HNRNPM: variants seen among roughly 807,000 people sequenced by gnomAD.
HNRNPM encodes the protein heterogeneous nuclear ribonucleoprotein M.
A neutral mutation model predicts 73.1 loss-of-function variants in HNRNPM; 11 were observed. The ratio of observed to expected loss-of-function variants is 0.15; its 90% CI spans 0.09 to 0.25. The LOEUF (loss-of-function observed/expected upper bound fraction) is 0.25. HNRNPM is among the 10% of genes least tolerant of loss of function. The probability of loss-of-function intolerance (pLI) is 1.00; values close to 1 mark genes in which losing one functional copy is unlikely to be tolerated. For synonymous variants in HNRNPM, 407 were observed against 355.2 expected (o/e 1.15, Z -1.64); for missense variants, 789 against 1,067.9 (o/e 0.74, Z 3.64).
chr19:8,448,142 A>T (rs571493831), intron 1 of HNRNPM, among the ~76,000 whole-genome samples: 21 of 152,348 alleles, frequency 1.4e-4, no homozygotes, highest in African/African-American at 4.1e-4. Flanking sequence ...TTTGAGAGAC[A>T]GGAGAAAAAT....
chr19:8,470,230 A>G lies in HNRNPM; in HGVS notation c.896-1096A>G, dbSNP rs78619026. ...GATCTCTTGCTGCTGTTGCTATGCAATTAAAGATGGAATGTTCATCAGATG... is the reference window on the plus strand; with the variant it reads ...GATCTCTTGCTGCTGTTGCTATGCAGTTAAAGATGGAATGTTCATCAGATG... On this transcript the variant is annotated intron_variant, in intron 9 of 15. Transcript: ENST00000325495. 4.7e-3 allele frequency among the ~76,000 whole-genome samples: 712 copies of G among 152,342 alleles called. 7 individuals are homozygous for G. The highest frequency in any genetic ancestry group is 0.016 in the African/African-American group (672 of 41,594).
chr19:8,488,409 T>C (rs1321848159), intron 15 of HNRNPM: 1 of 334,152 alleles, frequency 3.0e-6, no homozygotes, highest in African/African-American at 2.0e-5. Context: ...GTATGGGAAC[T>C]TTCTGCCTAT....
At chr19:8,487,389 A>G (rs2277987) in intron 15 of HNRNPM, 90,659 of 347,248 alleles carry the variant, frequency 0.26, 13,724 homozygotes, top group East Asian at 0.49. Context: ...CTAGGTGGCA[A>G]GGCTAAATAA....
intron 13 of HNRNPM, among the ~76,000 whole-genome samples, 172 bp downstream of exon 13, chr19:8,483,383 T>C (rs1971056256): frequency 6.6e-6 from 1 of 152,156 alleles, no homozygotes; most frequent in South Asian, 2.1e-4. Flanking sequence ...CCTCTCTGTT[T>C]CTCATAGCAC....
chr19:8,469,361 C>CG (rs1969977222), intron 9 of HNRNPM, among the ~76,000 whole-genome samples: 1 of 152,092 alleles, frequency 6.6e-6, no homozygotes, highest in South Asian at 2.1e-4. Flanking sequence ...TAAGTAGGGA[C>CG]GGGACTGCTA....
chr19:8,445,349 G>T (rs1019033500), intron 1 of HNRNPM: 1 of 381,932 alleles, frequency 2.6e-6, no homozygotes, highest in Non-Finnish European at 4.6e-6. Context: ...CTCCAGGCCG[G>T]GGCCAACCCC....
intron 1 of HNRNPM, among the ~76,000 whole-genome samples, chr19:8,451,593 A>G (rs529358157): frequency 1.4e-4 from 22 of 152,056 alleles, no homozygotes; most frequent in African/African-American, 4.8e-4. Flanking sequence ...GCTGGAGTGT[A>G]GTGGTGCAAT....
In HNRNPM at chr19:8,471,436, G is replaced by A; in HGVS notation, c.997+9G>A. 1 of 1,531,434 alleles carries A rather than the reference G, an allele frequency of 6.5e-7. No homozygotes were observed. Among genetic ancestry groups the A allele is most frequent in the Non-Finnish European group, 8.9e-7 (1 of 1,120,930 alleles). The allele number at this position is 1,531,434 out of a possible 1,614,324, so 94.9% of individuals were successfully genotyped here. A position where few individuals can be genotyped will look rare whatever the true frequency, so the allele number is the denominator to read the frequency against. ...AAACATAGGTCCCGCAGGTGAGAAT[G>A]ACAGTGCACCTTGCTTGGTGGTTTG... On this transcript the variant is annotated intron_variant, in intron 10 of 15. Transcript: ENST00000325495.
At chr19:8,472,096 G>A (rs200596167) in intron 10 of HNRNPM, among the ~76,000 whole-genome samples, 7 of 151,466 alleles carry the variant, frequency 4.6e-5, no homozygotes, top group Non-Finnish European at 7.4e-5. Context: ...GCTTGAACCC[G>A]GGAGGCGGAG....
At chr19:8,461,548 G>C (rs1303367688) in intron 2 of HNRNPM, among the ~76,000 whole-genome samples, 1 of 152,184 alleles carries the variant, frequency 6.6e-6, no homozygotes, top group South Asian at 2.1e-4. Flanking sequence ...TTTGGTGGTT[G>C]TCTTGATGGA....
intron 1 of HNRNPM, 198 bp downstream of exon 1, chr19:8,445,309 C>A: frequency 2.3e-6 from 1 of 438,344 alleles, no homozygotes; most frequent in Non-Finnish European, 3.9e-6. Flanking sequence ...GTCCCCTACA[C>A]CGGGCCTCGA....
At chr19:8,455,725 G>GTT (rs375350473) in intron 2 of HNRNPM, 151 bp downstream of exon 2, 1,516 of 405,526 alleles carry the variant, frequency 3.7e-3, no homozygotes, top group South Asian at 6.2e-3. Flanking sequence ...CCCCACCTCA[G>GTT]TTTTTTTTTT....
At chr19:8,446,154 C>G (rs1452524549) in intron 1 of HNRNPM, among the ~76,000 whole-genome samples, 1 of 152,170 alleles carries the variant, frequency 6.6e-6, no homozygotes, top group Non-Finnish European at 1.5e-5. Flanking sequence ...GTAAAATAGA[C>G]ATAACGTAGA....
chr19:8,483,613 A>T (rs7508561), intron 13 of HNRNPM, among the ~76,000 whole-genome samples: 132,685 of 152,222 alleles, frequency 0.87, 59,970 homozygotes, highest in South Asian at 0.99. Context: ...CCACCCAACA[A>T]GTAATAAATG....
chr19:8,466,155 A>G (rs1243620912), intron 6 of HNRNPM, 80 bp from the exon 7 acceptor site: 4 of 1,344,336 alleles, frequency 3.0e-6, no homozygotes, highest in Admixed American at 4.5e-5. Context: ...CAACCAAAGC[A>G]TGTATCATTC....
Position 8,462,652 on chromosome 19 carries a change from C to T in HNRNPM, c.336+71C>T, listed in dbSNP as rs372896828. ...ATGTAACTGTATGGTGGCGTGGAAT[C>T]GAATGAAATCAGGAAGGCAGTGAGT... On this transcript the variant is annotated intron_variant, in intron 3 of 15. Transcript: ENST00000325495. The surrounding 1 kb of genome is among the most constrained non-coding windows in gnomAD (Gnocchi z 4.5). 91 of 1,271,402 alleles carry T rather than the reference C, an allele frequency of 7.2e-5. 2 individuals are homozygous for T. The South Asian group carries it at 9.2e-4, about 13-fold the overall frequency. The allele number at this position is 1,271,402 out of a possible 1,614,324, so 78.8% of individuals were successfully genotyped here.
At chr19:8,474,437 A>G (rs1970365859) in intron 12 of HNRNPM, among the ~76,000 whole-genome samples, 193 bp downstream of exon 12, 2 of 152,208 alleles carry the variant, frequency 1.3e-5, no homozygotes, top group Non-Finnish European at 2.9e-5. Flanking sequence ...CTTGGTCGCT[A>G]GTCTTTTGAG....
chr19:8,472,655 C>T (rs1200079915), intron 10 of HNRNPM, among the ~76,000 whole-genome samples: 1 of 152,140 alleles, frequency 6.6e-6, no homozygotes, highest in Non-Finnish European at 1.5e-5. Flanking sequence ...CTCAGCTTAC[C>T]GCACTCAATC....
intron 1 of HNRNPM, 34 bp from the exon 2 acceptor site, chr19:8,455,371 C>T: frequency 6.4e-7 from 1 of 1,573,020 alleles, no homozygotes. Flanking sequence ...GACATATAAA[C>T]CCTTTACCTT....
Sources: gnomAD v4.1 joint callset for allele counts (sites outside exome capture counted in the v4.1 genomes callset) on GRCh38, gnomAD v4.1.1 for gene constraint, Gnocchi (gnomAD v3.1) non-coding constraint, MANE v1.5 for transcripts, NCBI Gene and HGNC (gene_info 2026-07-23, HGNC 2026-07-21) for gene names.